The following JPH1 variants were observed in gnomAD, a reference collection of about 807,000 sequenced individuals.
The protein encoded by JPH1 is junctophilin 1, also known as junctophilin-1.
A neutral mutation model predicts 53.6 loss-of-function variants in JPH1; 12 were observed. That is an observed-to-expected ratio of 0.22 (90% CI 0.14 to 0.36). JPH1 has a LOEUF of 0.36. Ranked by LOEUF, JPH1 falls within the 10% of genes least tolerant of loss-of-function variation. The pLI, the probability that JPH1 is intolerant of heterozygous loss-of-function variation, is 1.00. For missense variants in JPH1, 808 were observed against 905.5 expected (o/e 0.89, Z 1.38); for synonymous variants, 375 against 363.8 (o/e 1.03, Z -0.35).
Position 74,237,191 on chromosome 8 carries a change from A to G in JPH1, c.*15+17T>C. ...TTATTTACTATGATTTTAGATAGAA[A>G]TTAAGGCGATTCTTACCTTTCCTAA... On this transcript the variant is annotated intron_variant, in intron 5 of 5. Coordinates refer to ENST00000342232, the MANE Select transcript of JPH1 (RefSeq NM_020647.4). 1 of 1,459,942 alleles carries G rather than the reference A, an allele frequency of 6.8e-7. No individual in the cohort carries two copies. The highest frequency in any genetic ancestry group is 9.5e-7 in the Non-Finnish European group (1 of 1,055,062). 90.4% of individuals were successfully genotyped at this position (1,459,942 alleles called of 1,614,324 possible).
chr8:74,307,754 A>G (rs1282321587), intron 2 of JPH1, among the ~76,000 whole-genome samples: 1 of 152,234 alleles, frequency 6.6e-6, no homozygotes, highest in African/African-American at 2.4e-5. Flanking sequence ...TTAAAAATAT[A>G]ATACAACCAC....
chr8:74,305,806 T>C (rs1158446144), intron 2 of JPH1, among the ~76,000 whole-genome samples: 1 of 152,218 alleles, frequency 6.6e-6, no homozygotes, highest in Non-Finnish European at 1.5e-5. Context: ...ACAATTCAAG[T>C]TTTTAAAACC....
intron 3 of JPH1, among the ~76,000 whole-genome samples, chr8:74,257,719 G>T (rs1806278577): frequency 6.6e-6 from 1 of 152,082 alleles, no homozygotes; most frequent in South Asian, 2.1e-4. Context: ...AAAATGGAAA[G>T]GTTCCTTTTC....
At chr8:74,299,045 T>C (rs1257931774) in intron 2 of JPH1, among the ~76,000 whole-genome samples, 2 of 152,214 alleles carry the variant, frequency 1.3e-5, no homozygotes, top group East Asian at 3.8e-4. Flanking sequence ...TGGTGACCTT[T>C]ACTGCCTTTG....
At chr8:74,255,751 C>G (rs1261299140) in intron 3 of JPH1, among the ~76,000 whole-genome samples, 1 of 152,140 alleles carries the variant, frequency 6.6e-6, no homozygotes, top group African/African-American at 2.4e-5. Context: ...AGACACTTCT[C>G]AAAAGAAGAT....
Position 74,318,002 on chromosome 8 carries a change from G to A in JPH1, c.380-2382C>T, listed in dbSNP as rs996640397. Among the ~76,000 whole-genome samples the A allele has an allele frequency of 3.3e-5, 5 of 152,242 alleles. No homozygotes were observed. In the East Asian group the frequency reaches 9.7e-4, roughly 29 times the overall value. On this transcript the variant is annotated intron_variant, in intron 1 of 5. Coordinates refer to ENST00000342232, the MANE Select transcript of JPH1 (RefSeq NM_020647.4). ...TCCTCTCCTATTTTGTTAAATCACA[G>A]TATATGAAAGAATTCCTCCACAGAA...
At chr8:74,295,090 C>T (rs1807466748) in intron 2 of JPH1, among the ~76,000 whole-genome samples, 1 of 152,182 alleles carries the variant, frequency 6.6e-6, no homozygotes, top group African/African-American at 2.4e-5. Context: ...ATGAGAGCTC[C>T]TAATCCTCCA....
At chr8:74,314,776 G>T in intron 2 of JPH1, 85 bp downstream of exon 2, 3 of 1,450,372 alleles carry the variant, frequency 2.1e-6, no homozygotes, top group Non-Finnish European at 2.8e-6. Context: ...ATTTAGCGAT[G>T]TCACTGGCAG....
In JPH1 at chr8:74,237,288, T is replaced by C. The variant is rs745358275; in HGVS notation, c.1921A>G (p.Met641Val). The C allele has an allele frequency of 4.3e-6, 7 of 1,612,918 alleles. No individual in the cohort carries two copies. Among genetic ancestry groups the C allele is most frequent in the African/African-American group, 1.3e-5 (1 of 74,982 alleles). ...TTCAACAGCATGACAAGGACAATCA[T>C]GATTGAATTAGGGCCCTGAAAATGA... Reference protein sequence around the residue: ...KEANSGPNSIMIVLVMLLNIG... With the variant: ...KEANSGPNSIVIVLVMLLNIG... Residue 641 changes from methionine (M) to valine (V), a missense_variant, in exon 5 of 6, where the codon ATG (methionine) becomes GTG (valine). Physicochemically the swap from Met to Val is conservative, Grantham distance 21. This residue lies in a region of JPH1 where 756 missense variants were observed against 811.9 expected (regional missense o/e 0.93). Transcript: ENST00000342232.
chr8:74,259,504 C>T lies in JPH1; in HGVS notation c.1140-1G>A. 1 of 1,577,286 alleles carries T rather than the reference C, an allele frequency of 6.3e-7. No individual in the cohort carries two copies. The highest frequency in any genetic ancestry group is 8.6e-7 in the Non-Finnish European group (1 of 1,156,714). On this transcript the variant is annotated splice_acceptor_variant, in intron 2 of 5. Coordinates refer to ENST00000342232, the MANE Select transcript of JPH1 (RefSeq NM_020647.4). LOFTEE classifies it high-confidence loss of function. ...GGCCTTCGCTCTGGCATGTGCAGTC[C>T]TACACGGGGCACAAAAGGACGAGTC... is the stretch of plus-strand genomic sequence containing the variant.
chr8:74,246,759 G>A (rs34597938), intron 3 of JPH1, among the ~76,000 whole-genome samples: 2 of 152,214 alleles, frequency 1.3e-5, no homozygotes, highest in Non-Finnish European at 2.9e-5. Context: ...CCACCTTCTA[G>A]AAGATACATC....
chr8:74,276,739 T>C (rs1228454540), intron 2 of JPH1, among the ~76,000 whole-genome samples: 1 of 152,210 alleles, frequency 6.6e-6, no homozygotes, highest in Non-Finnish European at 1.5e-5. Context: ...CTAGTCGAGC[T>C]GTAGATTTTT....
intron 2 of JPH1, among the ~76,000 whole-genome samples, chr8:74,294,837 AAATTTTCACAATGGTCCTCTG>A (rs1465075426): frequency 6.6e-6 from 1 of 152,200 alleles, no homozygotes; most frequent in Non-Finnish European, 1.5e-5. Flanking sequence ...TTGACTCTTT[AAATTTTCACAATGGTCCTCTG>A]AGTAGCTATT....
chr8:74,280,507 A>G (rs1461630358), intron 2 of JPH1, among the ~76,000 whole-genome samples: 5 of 152,104 alleles, frequency 3.3e-5, no homozygotes, highest in Non-Finnish European at 7.4e-5. Context: ...TGACACATTC[A>G]CCTTTCTTAT....
chr8:74,259,836 T>C (rs1471050836), intron 2 of JPH1, among the ~76,000 whole-genome samples: 1 of 152,182 alleles, frequency 6.6e-6, no homozygotes, highest in East Asian at 1.9e-4. Flanking sequence ...CACCTAAAAT[T>C]ATGGAAAGTA....
At chr8:74,250,927 C>A (rs777268534) in intron 3 of JPH1, among the ~76,000 whole-genome samples, 1 of 152,170 alleles carries the variant, frequency 6.6e-6, no homozygotes, top group Non-Finnish European at 1.5e-5. Context: ...CTGATACTAC[C>A]AGTACATGCT....
chr8:74,284,411 G>C (rs759755230), intron 2 of JPH1, among the ~76,000 whole-genome samples: 1 of 152,050 alleles, frequency 6.6e-6, no homozygotes, highest in African/African-American at 2.4e-5. Context: ...CCTGTATTCC[G>C]GTCAAACGCT....
At chr8:74,272,674 A>G (rs980871122) in intron 2 of JPH1, among the ~76,000 whole-genome samples, 3 of 140,818 alleles carry the variant, frequency 2.1e-5, no homozygotes, top group Non-Finnish European at 4.5e-5. Flanking sequence ...CGCGATCTCG[A>G]CTCACTGCAA....
Position 74,306,002 on chromosome 8 carries a change from T to TTTTTG in JPH1, c.1139+8854_1139+8858dup, listed in dbSNP as rs371155258. Reference sequence around the variant, plus strand: ...CTTGGGAGGGCTGGAGAAAGAGTTTTTTTTGTTTTGTTTTGTTTTGTTTTA... The same window carrying TTTTTG: ...CTTGGGAGGGCTGGAGAAAGAGTTTTTTTTGTTTTGTTTTGTTTTGTTTTGTTTTA... On this transcript the variant is annotated intron_variant, in intron 2 of 5. Coordinates refer to ENST00000342232, the MANE Select transcript of JPH1 (RefSeq NM_020647.4). 8.0e-5 allele frequency among the ~76,000 whole-genome samples: 12 copies of TTTTTG among 150,850 alleles called. No individual in the cohort carries two copies. The South Asian group carries it at 1.5e-3, about 18-fold the overall frequency.
Sources: allele counts gnomAD v4.1 joint callset (sites outside exome capture counted in the v4.1 genomes callset), GRCh38; gene constraint gnomAD v4.1.1; regional missense constraint gnomAD v4.1.1; transcripts MANE v1.5; gene names NCBI Gene and HGNC (gene_info 2026-07-23, HGNC 2026-07-21).